Variants in STX16 observed in about 807,000 individuals in gnomAD.
STX16 encodes syntaxin 16, also known as syntaxin-16.
STX16 carries 28 observed loss-of-function variants against 42.7 expected under a neutral mutation model. The ratio of observed to expected loss-of-function variants is 0.66; its 90% CI spans 0.49 to 0.90. STX16 has a LOEUF of 0.90. Among genes scored for constraint, STX16 ranks in the 40% least tolerant of loss-of-function variants. The pLI is 0.00. For synonymous variants in STX16, 156 were observed against 155.2 expected (o/e 1.00, Z -0.04); for missense variants, 361 against 420.9 (o/e 0.86, Z 1.24).
chr20:58,652,350 T>C (rs1407861412), intron 1 of STX16: 4 of 683,410 alleles, frequency 5.9e-6, no homozygotes, highest in Middle Eastern at 4.0e-4. Context: ...CTCTGCCCGG[T>C]CTTCTCCTCA....
chr20:58,652,451 T>C (rs2083489365), intron 1 of STX16: 1 of 415,902 alleles, frequency 2.4e-6, no homozygotes, highest in Admixed American at 3.3e-5. Context: ...ACGCTAACAT[T>C]GGGAAGCATT....
intron 2 of STX16, among the ~76,000 whole-genome samples, chr20:58,663,003 A>G (rs986304144): frequency 1.5e-4 from 23 of 152,312 alleles, no homozygotes; most frequent in African/African-American, 5.3e-4. Flanking sequence ...CTAATTGTCT[A>G]TTAGCGAAGT....
intron 8 of STX16, among the ~76,000 whole-genome samples, chr20:58,674,621 G>T (rs528849558): frequency 4.7e-4 from 72 of 152,172 alleles, no homozygotes; most frequent in Non-Finnish European, 7.8e-4. Flanking sequence ...AGTCTAACCA[G>T]AAGCCCTGAG....
Position 58,669,339 on chromosome 20 carries a change from C to A in STX16, c.442C>A (p.Arg148=). ...RAVQALPSRA[R]ACSEQEGRLL... ...CGTGCAGGCCCTGCCGAGCCGGGCC[C>A]GGGCCTGCTCCGAGCAGGAGGGGCG... is the stretch of plus-strand genomic sequence containing the variant. The change falls in exon 5 of 9, where the codon CGG becomes AGG. Residue 148 remains arginine (R), a synonymous_variant. Transcript: ENST00000371141. 1.2e-6 allele frequency: 2 copies of A among 1,611,926 alleles called. No homozygotes were observed. Among genetic ancestry groups the A allele is most frequent in the Non-Finnish European group, 1.7e-6 (2 of 1,179,164 alleles).
At chr20:58,656,399 C>T (rs1295190290) in intron 1 of STX16, among the ~76,000 whole-genome samples, 1 of 152,192 alleles carries the variant, frequency 6.6e-6, no homozygotes, top group Non-Finnish European at 1.5e-5. Flanking sequence ...AAGGTAGCAA[C>T]TCATTCAAGC....
chr20:58,651,974 G>A lies in STX16; in HGVS notation c.-33G>A. 3 of 1,610,318 alleles carry A rather than the reference G, an allele frequency of 1.9e-6. No individual in the cohort carries two copies. The highest frequency in any genetic ancestry group is 1.7e-6 in the Non-Finnish European group (2 of 1,176,788). On this transcript the variant is annotated 5_prime_UTR_variant, in exon 1 of 9. Transcript: ENST00000371141. ...AAATCAGGAATATAAGTGGGCGGGGGGCCCCTGAGAGGGGGGTCGCAAAGG... is the reference window on the plus strand; with the variant it reads ...AAATCAGGAATATAAGTGGGCGGGGAGCCCCTGAGAGGGGGGTCGCAAAGG...
chr20:58,675,786 AG>A (rs1296506450), intron 8 of STX16, among the ~76,000 whole-genome samples: 1 of 152,206 alleles, frequency 6.6e-6, no homozygotes, highest in African/African-American at 2.4e-5. Context: ...TCCGCGGTGA[AG>A]GAACTGTGCA....
At chr20:58,652,814 T>TA (rs1014447356) in intron 1 of STX16, among the ~76,000 whole-genome samples, 2 of 151,940 alleles carry the variant, frequency 1.3e-5, no homozygotes, top group East Asian at 1.9e-4. Flanking sequence ...TCGAACTTTT[T>TA]AAAAAAAGCC....
intron 2 of STX16, among the ~76,000 whole-genome samples, chr20:58,660,860 A>G (rs138779076): frequency 2.3e-3 from 351 of 151,192 alleles, no homozygotes; most frequent in Non-Finnish European, 4.2e-3. Context: ...CTTCCTTTCT[A>G]TTGCAAACCC....
intron 4 of STX16, among the ~76,000 whole-genome samples, chr20:58,668,579 C>T (rs1162244585): frequency 1.3e-5 from 2 of 151,682 alleles, no homozygotes; most frequent in African/African-American, 4.8e-5. Context: ...ACATTTTTTA[C>T]TGAAGTCTCC....
chr20:58,660,529 A>G (rs935991292), intron 2 of STX16, among the ~76,000 whole-genome samples: 3 of 152,126 alleles, frequency 2.0e-5, no homozygotes, highest in African/African-American at 7.2e-5. Context: ...ATGACAACAG[A>G]CTGAGCACAG....
Position 58,657,346 on chromosome 20 carries a change from T to TA in STX16, c.133-2276dup, listed in dbSNP as rs2083606376. Among the ~76,000 whole-genome samples the TA allele has an allele frequency of 6.6e-6, 1 of 152,232 alleles. No individual in the cohort carries two copies. Among genetic ancestry groups the TA allele is most frequent in the African/African-American group, 2.4e-5 (1 of 41,458 alleles). On this transcript the variant is annotated intron_variant, in intron 1 of 8. Coordinates refer to ENST00000371141, the MANE Select transcript of STX16 (RefSeq NM_001001433.3). The surrounding 1 kb of genome is among the most constrained non-coding windows in gnomAD (Gnocchi z 4.2). Reference sequence around the variant, plus strand: ...AAGATTCCATGGGAGCAGTGAGGCTTACTTTGAGAATAAGGGTACTTTGTT... The same window carrying TA: ...AAGATTCCATGGGAGCAGTGAGGCTTAACTTTGAGAATAAGGGTACTTTGTT...
In STX16 at chr20:58,671,426, ATGTGTGTGTGGGTGTGTG is replaced by A. The variant is rs1194712309; in HGVS notation, c.792+140_792+157del. The stretch of plus-strand genomic sequence containing the variant: ...CAACATGTGTGTGCACCTGTCCTTT[ATGTGTGTGTGGGTGTGTG>A]TGTGTGTGTGTGTGTGTGTGTGTGT... On this transcript the variant is annotated intron_variant, in intron 7 of 8. Coordinates refer to ENST00000371141, the MANE Select transcript of STX16 (RefSeq NM_001001433.3). 94 of 476,896 alleles carry A rather than the reference ATGTGTGTGTGGGTGTGTG, an allele frequency of 2.0e-4. 1 individual carries two copies. The Middle Eastern group carries it at 5.7e-3, about 29-fold the overall frequency. The allele number at this position is 476,896 out of a possible 1,614,324, so 29.5% of individuals were successfully genotyped here.
At chr20:58,652,619 GTTGTT>G (rs1421416747) in intron 1 of STX16, among the ~76,000 whole-genome samples, 2 of 152,038 alleles carry the variant, frequency 1.3e-5, no homozygotes, top group Admixed American at 6.5e-5. Flanking sequence ...GAGTTGTGTT[GTTGTT>G]TTGTTTTGTT....
rs200474760 is a variant in STX16 at position 58,669,372 on chromosome 20, G to A, written c.475G>A (p.Gly159Arg). The A allele has an allele frequency of 3.0e-5, 48 of 1,611,562 alleles. No homozygotes were observed. The African/African-American group carries it at 4.4e-4, about 15-fold the overall frequency. Residue 159 changes from glycine to arginine, a missense_variant, in exon 5 of 9, where the codon GGG (glycine) becomes AGG (arginine). Gly to Arg is a moderately radical substitution (Grantham distance 125, BLOSUM62 -2). Transcript: ENST00000371141. ...CTCCGAGCAGGAGGGGCGGCTGCTT[G>A]GGAACGTGGTGGCCTCGCTGGCGCA... is the stretch of plus-strand genomic sequence containing the variant. ...ACSEQEGRLLGNVVASLAQAL... is the reference protein window; with the variant it reads ...ACSEQEGRLLRNVVASLAQAL...
chr20:58,670,423 A>G (rs180679738), intron 5 of STX16, 89 bp from the exon 6 acceptor site: 1 of 1,014,548 alleles, frequency 9.9e-7, no homozygotes, highest in East Asian at 2.4e-5. Flanking sequence ...TGACTGTTGG[A>G]GTTTACTCTA....
Position 58,669,304 on chromosome 20 carries a change from G to A in STX16, c.407G>A (p.Cys136Tyr). ...TQEITQLFHR[C>Y]QRAVQALPSR... ...TTGTTCTCTTAGCTCTTCCACAGGT[G>A]CCAGCGTGCCGTGCAGGCCCTGCCG... The change falls in exon 5 of 9, where the codon TGC becomes TAC. Residue 136 changes from cysteine to tyrosine, a missense_variant. Physicochemically the swap from Cys to Tyr is radical, Grantham distance 194. Transcript: ENST00000371141. 1 of 1,610,956 alleles carries A rather than the reference G, an allele frequency of 6.2e-7. No homozygotes were observed. The highest frequency in any genetic ancestry group is 8.5e-7 in the Non-Finnish European group (1 of 1,179,542).
intron 8 of STX16, among the ~76,000 whole-genome samples, chr20:58,675,430 C>T (rs1309096656): frequency 1.3e-5 from 2 of 152,226 alleles, no homozygotes; most frequent in Non-Finnish European, 2.9e-5. Flanking sequence ...CAGTGCTCTG[C>T]GTCTTTCGCC....
intron 4 of STX16, 72 bp downstream of exon 4, chr20:58,668,199 C>T (rs966655396): frequency 5.7e-6 from 9 of 1,570,412 alleles, no homozygotes; most frequent in Middle Eastern, 3.4e-4. Context: ...TAGAGTGTTA[C>T]TCAGAATCAG....
Sources: allele counts gnomAD v4.1 joint callset (sites outside exome capture counted in the v4.1 genomes callset), GRCh38; gene constraint gnomAD v4.1.1; non-coding constraint Gnocchi (gnomAD v3.1); transcripts MANE v1.5; gene names NCBI Gene and HGNC (gene_info 2026-07-23, HGNC 2026-07-21).